Variants in NEGR1 observed in about 807,000 individuals in gnomAD.
NEGR1 encodes the protein neuronal growth regulator 1.
Under a neutral mutation model 40.9 loss-of-function variants are expected in NEGR1, and 10 were observed. The ratio of observed to expected loss-of-function variants is 0.24; its 90% CI spans 0.15 to 0.42. The LOEUF is 0.42. NEGR1 is among the 10% of genes least tolerant of loss of function. The pLI is 1.00. For synonymous variants in NEGR1, 185 were observed against 166.8 expected (o/e 1.11, Z -0.84); for missense variants, 352 against 438.9 (o/e 0.80, Z 1.77).
At chr1:71,705,880 C>G (rs1336972545) in intron 3 of NEGR1, among the ~76,000 whole-genome samples, 6 of 150,778 alleles carry the variant, frequency 4.0e-5, no homozygotes, top group East Asian at 1.9e-4. Context: ...AGGAAGGAAG[C>G]AAGGAAGGAA....
chr1:71,427,509 CT>C (rs1243369024), intron 6 of NEGR1, among the ~76,000 whole-genome samples: 1 of 152,112 alleles, frequency 6.6e-6, no homozygotes, highest in Non-Finnish European at 1.5e-5. Context: ...GCAGGAAATC[CT>C]TTACTCTTTC....
chr1:72,275,907 G>A (rs1201865167), intron 1 of NEGR1, among the ~76,000 whole-genome samples: 1 of 151,908 alleles, frequency 6.6e-6, no homozygotes, highest in African/African-American at 2.4e-5. Context: ...GACCAGTCTG[G>A]GCAACACAGT....
intron 2 of NEGR1, among the ~76,000 whole-genome samples, chr1:71,816,894 T>C (rs1190153466): frequency 6.6e-6 from 1 of 151,898 alleles, no homozygotes; most frequent in East Asian, 1.9e-4. Flanking sequence ...CCCCTAATAT[T>C]ATCTACTTTT....
chr1:71,693,290 T>A (rs1371982261), intron 4 of NEGR1, among the ~76,000 whole-genome samples: 2 of 151,730 alleles, frequency 1.3e-5, no homozygotes, highest in Non-Finnish European at 3.0e-5. Context: ...AGAAAAAAAA[T>A]TAATTGTGAG....
intron 1 of NEGR1, among the ~76,000 whole-genome samples, chr1:72,089,587 T>C (rs1648382872): frequency 1.3e-5 from 2 of 152,184 alleles, no homozygotes; most frequent in Admixed American, 6.5e-5. Flanking sequence ...TTTATTCTTT[T>C]AGGAAATATG....
At chr1:71,832,279 C>G (rs985563491) in intron 2 of NEGR1, among the ~76,000 whole-genome samples, 6 of 151,968 alleles carry the variant, frequency 3.9e-5, no homozygotes, top group Non-Finnish European at 8.8e-5. Context: ...TATGAACTGA[C>G]AACCAGACGA....
intron 6 of NEGR1, among the ~76,000 whole-genome samples, chr1:71,516,000 G>C (rs1228303226): frequency 4.4e-5 from 1 of 22,806 alleles, no homozygotes. Flanking sequence ...AATGGTAAAG[G>C]GATCAATTCA....
At chr1:72,107,497 G>A (rs1649183671) in intron 1 of NEGR1, among the ~76,000 whole-genome samples, 1 of 151,232 alleles carries the variant, frequency 6.6e-6, no homozygotes, top group Non-Finnish European at 1.5e-5. Flanking sequence ...TCTTTTGGCT[G>A]GATTTCTAAT....
At chr1:71,949,033 G>A in intron 1 of NEGR1, among the ~76,000 whole-genome samples, 1 of 151,974 alleles carries the variant, frequency 6.6e-6, no homozygotes. Context: ...ATACTGATAT[G>A]GCTTCTTCAA....
chr1:72,099,970 T>C (rs542243244), intron 1 of NEGR1, among the ~76,000 whole-genome samples: 1 of 152,082 alleles, frequency 6.6e-6, no homozygotes, highest in South Asian at 2.1e-4. Flanking sequence ...TATTTAACCA[T>C]TGCATGACAA....
chr1:71,982,242 CT>C (rs1342624985), intron 1 of NEGR1, among the ~76,000 whole-genome samples: 1 of 152,100 alleles, frequency 6.6e-6, no homozygotes, highest in Non-Finnish European at 1.5e-5. Context: ...GAACCTTAAA[CT>C]TTTAAGTTCA....
At chr1:72,240,965 A>C (rs1230820691) in intron 1 of NEGR1, among the ~76,000 whole-genome samples, 1 of 151,792 alleles carries the variant, frequency 6.6e-6, no homozygotes, top group African/African-American at 2.4e-5. Context: ...TTCAGTTAAT[A>C]ATGTAAAAAT....
intron 1 of NEGR1, among the ~76,000 whole-genome samples, chr1:72,054,529 A>G (rs1363151188): frequency 2.0e-5 from 3 of 151,260 alleles, no homozygotes; most frequent in Admixed American, 6.6e-5. Flanking sequence ...AACACATTCA[A>G]TTTATATCTA....
At chr1:72,265,462 A>C (rs962560386) in intron 1 of NEGR1, among the ~76,000 whole-genome samples, 1 of 151,014 alleles carries the variant, frequency 6.6e-6, no homozygotes, top group African/African-American at 2.4e-5. Context: ...AATTAATTTG[A>C]GCCTAAAGTA....
At chr1:72,138,915 C>T (rs1235383596) in intron 1 of NEGR1, among the ~76,000 whole-genome samples, 1 of 151,832 alleles carries the variant, frequency 6.6e-6, no homozygotes, top group African/African-American at 2.4e-5. Flanking sequence ...TTCAAGTACA[C>T]ATGAATTATG....
At chr1:71,514,357 C>T (rs1647102685) in intron 6 of NEGR1, among the ~76,000 whole-genome samples, 1 of 75,252 alleles carries the variant, frequency 1.3e-5, no homozygotes, top group Admixed American at 1.5e-4. Context: ...GTGGTTCTCC[C>T]AGCACGCAGC....
chr1:72,190,197 G>T lies in NEGR1; in HGVS notation c.176+92122C>A, dbSNP rs75405149. The stretch of plus-strand genomic sequence containing the variant: ...AGTCAGAATACATCCATCCATACAT[G>T]TCAAAACTGTACCAAATGCTGCACA... On this transcript the variant is annotated intron_variant, in intron 1 of 6. Coordinates refer to ENST00000357731, the MANE Select transcript of NEGR1 (RefSeq NM_173808.3). Among the ~76,000 whole-genome samples the T allele has an allele frequency of 4.4e-3, 670 of 151,574 alleles. 5 individuals are homozygous for T. Among genetic ancestry groups the T allele is most frequent in the African/African-American group, 0.016 (644 of 41,466 alleles).
intron 1 of NEGR1, among the ~76,000 whole-genome samples, chr1:72,263,341 T>C (rs2100547964): frequency 6.6e-6 from 1 of 151,732 alleles, no homozygotes; most frequent in South Asian, 2.1e-4. Context: ...ATCAGATTTT[T>C]TTAAAAGAGT....
intron 1 of NEGR1, among the ~76,000 whole-genome samples, chr1:72,091,258 A>G (rs528152344): frequency 2.0e-5 from 3 of 152,284 alleles, no homozygotes; most frequent in Admixed American, 6.5e-5. Flanking sequence ...TGCACATTAT[A>G]TATCTACAAT....
Sources: allele counts gnomAD v4.1 joint callset (sites outside exome capture counted in the v4.1 genomes callset), GRCh38; gene constraint gnomAD v4.1.1; transcripts MANE v1.5; gene names NCBI Gene and HGNC (gene_info 2026-07-23, HGNC 2026-07-21).